Variants in DNM3 observed in about 807,000 individuals in gnomAD.
DNM3 encodes the protein dynamin-3.
DNM3 carries 47 observed loss-of-function variants against 101.6 expected under a neutral mutation model. That is an observed-to-expected ratio of 0.46 (90% CI 0.37 to 0.59). The LOEUF (loss-of-function observed/expected upper bound fraction) is 0.59, where lower values mean the gene tolerates loss of function less well. DNM3 is among the 20% of genes least tolerant of loss of function. DNM3 has a pLI of 0.00. For synonymous variants in DNM3, 385 were observed against 387.9 expected (o/e 0.99, Z 0.09); for missense variants, 849 against 1,085.7 (o/e 0.78, Z 3.06).
chr1:172,190,169 C>A (rs761728751), intron 14 of DNM3, among the ~76,000 whole-genome samples: 81 of 152,054 alleles, frequency 5.3e-4, no homozygotes, highest in Non-Finnish European at 9.7e-4. Context: ...TTTCCCTGCA[C>A]CCCCACCGGC....
intron 14 of DNM3, among the ~76,000 whole-genome samples, chr1:172,149,703 C>T (rs1172906817): frequency 1.3e-5 from 2 of 152,134 alleles, no homozygotes; most frequent in Non-Finnish European, 2.9e-5. Context: ...AGAATATTGA[C>T]TCCTGATGTC....
chr1:171,875,720 T>A (rs1443674255), intron 1 of DNM3, among the ~76,000 whole-genome samples: 5 of 152,070 alleles, frequency 3.3e-5, no homozygotes, highest in Non-Finnish European at 4.4e-5. Context: ...TTTTAAGAAT[T>A]AAGTGAGTTG....
intron 14 of DNM3, among the ~76,000 whole-genome samples, chr1:172,241,759 G>C (rs79870969): frequency 1.3e-5 from 2 of 152,014 alleles, no homozygotes; most frequent in Non-Finnish European, 2.9e-5. Context: ...TGTGATTCAG[G>C]CCAACAAAAC....
intron 14 of DNM3, among the ~76,000 whole-genome samples, chr1:172,226,411 A>G (rs1172372627): frequency 2.0e-5 from 3 of 152,208 alleles, no homozygotes; most frequent in Admixed American, 6.5e-5. Context: ...TAAACCAAAT[A>G]ATGGATTCTG....
Position 172,411,510 on chromosome 1 carries a change from CAT to C in DNM3, c.*3671_*3672del. 1.0e-6 allele frequency: 1 copy of C among 976,652 alleles called. No homozygotes were observed. The highest frequency in any genetic ancestry group is 1.8e-5 in the African/African-American group (1 of 55,316). 60.5% of individuals were successfully genotyped at this position (976,652 alleles called of 1,614,324 possible). A position where few individuals can be genotyped will look rare whatever the true frequency, so the allele number is the denominator to read the frequency against. On this transcript the variant is annotated 3_prime_UTR_variant, in exon 21 of 21. Transcript: ENST00000627582. ...AATCTTAAAAAGCCAAGTTGATATA[CAT>C]AGTCATTTTTCCTCTATGGTAGAAG...
chr1:172,078,089 T>G (rs933072841), intron 11 of DNM3, among the ~76,000 whole-genome samples: 14 of 152,074 alleles, frequency 9.2e-5, no homozygotes, highest in African/African-American at 3.1e-4. Context: ...TTTGTTGGTT[T>G]TTGTTGTTGT....
At chr1:171,997,787 A>G (rs1303149180) in intron 4 of DNM3, among the ~76,000 whole-genome samples, 1 of 152,018 alleles carries the variant, frequency 6.6e-6, no homozygotes, top group African/African-American at 2.4e-5. Flanking sequence ...CGTGTTTCTG[A>G]TTATCTTCTT....
At chr1:172,169,259 G>A (rs888401681) in intron 14 of DNM3, among the ~76,000 whole-genome samples, 6 of 151,956 alleles carry the variant, frequency 3.9e-5, no homozygotes, top group African/African-American at 1.4e-4. Context: ...AGCTGAGTTT[G>A]GGTACTCTCA....
rs2071070667 is a variant in DNM3 at position 172,409,046 on chromosome 1, A to C, written c.*1205A>C. ...TAAAGCAAATTTGCAATTTCTTAAG[A>C]TTTCTAAAATTTACCAGAACAGTTT... On this transcript the variant is annotated 3_prime_UTR_variant, in exon 21 of 21. Transcript: ENST00000627582. 1.0e-6 allele frequency: 1 copy of C among 985,258 alleles called. No homozygotes were observed. Among genetic ancestry groups the C allele is most frequent in the Admixed American group, 6.2e-5 (1 of 16,254 alleles). 61.0% of individuals were successfully genotyped at this position (985,258 alleles called of 1,614,324 possible). A position where few individuals can be genotyped will look rare whatever the true frequency, so the allele number is the denominator to read the frequency against.
chr1:172,008,799 T>C (rs1222645539), intron 4 of DNM3, among the ~76,000 whole-genome samples: 2 of 139,908 alleles, frequency 1.4e-5, no homozygotes, highest in African/African-American at 5.2e-5. Flanking sequence ...ATATATATAA[T>C]ATATAATATA....
chr1:172,187,253 G>A (rs1459034971), intron 14 of DNM3, among the ~76,000 whole-genome samples: 1 of 151,854 alleles, frequency 6.6e-6, no homozygotes, highest in Non-Finnish European at 1.5e-5. Flanking sequence ...CTTTGTATCA[G>A]CAATATGATA....
At chr1:172,413,261 C>T (rs920386381), downstream of DNM3, among the ~76,000 whole-genome samples, 1 of 152,166 alleles carries the variant, frequency 6.6e-6, no homozygotes, top group Non-Finnish European at 1.5e-5. Context: ...CGGAGTTTCG[C>T]TCTTGCCCAG....
chr1:172,207,222 C>T (rs571258346), intron 14 of DNM3, among the ~76,000 whole-genome samples: 16 of 152,156 alleles, frequency 1.1e-4, no homozygotes, highest in East Asian at 3.9e-4. Flanking sequence ...AAAACACTGA[C>T]GTGATGCCTA....
chr1:171,869,738 A>C (rs571955107), intron 1 of DNM3, among the ~76,000 whole-genome samples: 13 of 152,348 alleles, frequency 8.5e-5, no homozygotes, highest in African/African-American at 3.1e-4. Flanking sequence ...TTATTGTTTG[A>C]AAATGTAAAG....
At chr1:171,897,915 C>T (rs1330536795) in intron 1 of DNM3, among the ~76,000 whole-genome samples, 1 of 140,908 alleles carries the variant, frequency 7.1e-6, no homozygotes, top group Non-Finnish European at 1.6e-5. Flanking sequence ...TCTAGGTCTG[C>T]GGTTCATTTT....
intron 9 of DNM3, 77 bp from the exon 10 acceptor site, chr1:172,048,535 T>G (rs1367264490): frequency 6.8e-7 from 1 of 1,467,876 alleles, no homozygotes; most frequent in Non-Finnish European, 9.1e-7. Flanking sequence ...GAATGTTAAT[T>G]TAAACATTTT....
intron 1 of DNM3, among the ~76,000 whole-genome samples, chr1:171,845,942 T>A (rs2124962173): frequency 6.6e-6 from 1 of 152,310 alleles, no homozygotes; most frequent in South Asian, 2.1e-4. Flanking sequence ...CTCTCAATTC[T>A]GCACAAATAG....
At chr1:172,047,335 G>C (rs2049889962) in intron 9 of DNM3, among the ~76,000 whole-genome samples, 1 of 151,938 alleles carries the variant, frequency 6.6e-6, no homozygotes, top group Non-Finnish European at 1.5e-5. Context: ...ATAGAATGCT[G>C]GGCTTCCAAG....
chr1:172,246,902 G>GC (rs1313858830), intron 14 of DNM3, among the ~76,000 whole-genome samples: 1 of 151,916 alleles, frequency 6.6e-6, no homozygotes, highest in Non-Finnish European at 1.5e-5. Context: ...AAACATTCTG[G>GC]CCACAATGCA....
Sources: gnomAD v4.1 joint callset for allele counts (sites outside exome capture counted in the v4.1 genomes callset) on GRCh38, gnomAD v4.1.1 for gene constraint, MANE v1.5 for transcripts, NCBI Gene and HGNC (gene_info 2026-07-23, HGNC 2026-07-21) for gene names.